The following TENM2 variants were observed in gnomAD, a reference collection of about 807,000 sequenced individuals.
TENM2 encodes teneurin transmembrane protein 2.
A neutral mutation model predicts 245.2 loss-of-function variants in TENM2; 52 were observed. The ratio of observed to expected loss-of-function variants is 0.21; its 90% CI spans 0.17 to 0.27. TENM2 has a LOEUF of 0.27. Among genes scored for constraint, TENM2 ranks in the 10% least tolerant of loss-of-function variants. The probability of loss-of-function intolerance (pLI) is 1.00; values close to 1 mark genes in which losing one functional copy is unlikely to be tolerated. For missense variants in TENM2, 3,046 were observed against 3,666.8 expected (o/e 0.83, Z 4.37); for synonymous variants, 1,363 against 1,438.9 (o/e 0.95, Z 1.19).
chr5:167,894,848 G>T (rs1341768601), intron 3 of TENM2, among the ~76,000 whole-genome samples: 1 of 151,694 alleles, frequency 6.6e-6, no homozygotes, highest in Non-Finnish European at 1.5e-5. Context: ...AAACAAAGGT[G>T]AAAATGTTTC....
rs539190530 is a variant in TENM2, at chr5:167,958,072, G to T, written c.947+5250G>T. 9.8e-5 allele frequency among the ~76,000 whole-genome samples: 15 copies of T among 152,296 alleles called. No individual in the cohort carries two copies. In the East Asian group the frequency reaches 2.9e-3, roughly 29 times the overall value. ...TGATCTGTCTAATATTGACAGTGAG[G>T]TGTTAAAGTCACCCATTATTATTGC... is the stretch of plus-strand genomic sequence containing the variant. On this transcript the variant is annotated intron_variant, in intron 4 of 28. Coordinates refer to ENST00000518659, the Ensembl canonical transcript of TENM2.
At chr5:168,196,587 G>A (rs1281110491) in intron 15 of TENM2, among the ~76,000 whole-genome samples, 4 of 152,072 alleles carry the variant, frequency 2.6e-5, no homozygotes, top group Non-Finnish European at 4.4e-5. Context: ...TCAGCCTCCC[G>A]AGTAGCTGGG....
intron 2 of TENM2, among the ~76,000 whole-genome samples, chr5:167,477,264 T>TAAAAAAAAA (rs10545252): frequency 7.1e-6 from 1 of 140,490 alleles, no homozygotes; most frequent in Admixed American, 7.2e-5. Flanking sequence ...TGAATAATAG[T>TAAAAAAAAA]AAAAAAAAAA....
chr5:167,402,336 C>T (rs192275933), intron 2 of TENM2, among the ~76,000 whole-genome samples: 1 of 152,222 alleles, frequency 6.6e-6, no homozygotes, highest in African/African-American at 2.4e-5. Context: ...TAGGTAGAAA[C>T]ATTTACCCCT....
intron 4 of TENM2, among the ~76,000 whole-genome samples, chr5:167,963,617 G>T (rs528029530): frequency 1.1e-4 from 16 of 152,194 alleles, no homozygotes; most frequent in Non-Finnish European, 1.8e-4. Flanking sequence ...TCAAAACTCT[G>T]AGAGGTAATG....
chr5:167,797,568 T>C (rs1054177357), intron 2 of TENM2, among the ~76,000 whole-genome samples: 1 of 152,234 alleles, frequency 6.6e-6, no homozygotes. Flanking sequence ...TAAGTCATTG[T>C]ATTTCTTTCG....
At chr5:167,772,026 C>A (rs1426590570) in intron 2 of TENM2, among the ~76,000 whole-genome samples, 1 of 152,166 alleles carries the variant, frequency 6.6e-6, no homozygotes, top group Admixed American at 6.5e-5. Flanking sequence ...TCTTACCTTG[C>A]AACTCCAGGC....
At chr5:167,954,934 G>A (rs1054270174) in intron 4 of TENM2, among the ~76,000 whole-genome samples, 1 of 151,980 alleles carries the variant, frequency 6.6e-6, no homozygotes, top group African/African-American at 2.4e-5. Context: ...ACATATGTGT[G>A]CATGTGTCTT....
the TENM2 span, among the ~76,000 whole-genome samples, chr5:167,180,795 A>G: frequency 6.6e-6 from 1 of 152,102 alleles, no homozygotes; most frequent in Non-Finnish European, 1.5e-5. Flanking sequence ...ATGGATCATC[A>G]TAAAGTTCTT....
chr5:167,979,875 A>G (rs1050094515), intron 4 of TENM2, among the ~76,000 whole-genome samples: 1 of 152,186 alleles, frequency 6.6e-6, no homozygotes, highest in Non-Finnish European at 1.5e-5. Flanking sequence ...AATCTTGAAA[A>G]CCAGAGTGAC....
chr5:167,100,883 A>C, the TENM2 span, among the ~76,000 whole-genome samples: 1 of 152,226 alleles, frequency 6.6e-6, no homozygotes, highest in African/African-American at 2.4e-5. Context: ...TAAATACTAC[A>C]AGGTGACACA....
intron 26 of TENM2, among the ~76,000 whole-genome samples, chr5:168,245,437 A>C (rs565565737): frequency 2.0e-5 from 3 of 152,236 alleles, no homozygotes; most frequent in Middle Eastern, 3.4e-3. Context: ...CCTAAAATTC[A>C]AGCACACAGA....
intron 2 of TENM2, among the ~76,000 whole-genome samples, chr5:167,581,931 A>T (rs1257637604): frequency 6.6e-6 from 1 of 152,160 alleles, no homozygotes; most frequent in Non-Finnish European, 1.5e-5. Flanking sequence ...GAAAAAAAAA[A>T]AATCAAGCGT....
the TENM2 span, among the ~76,000 whole-genome samples, chr5:167,178,980 C>T: frequency 1.3e-5 from 2 of 152,048 alleles, no homozygotes; most frequent in East Asian, 1.9e-4. Flanking sequence ...GAACAGAGAA[C>T]CTTATATACA....
chr5:167,855,945 G>A (rs1771057757), intron 2 of TENM2, among the ~76,000 whole-genome samples: 1 of 150,380 alleles, frequency 6.6e-6, no homozygotes, highest in South Asian at 2.1e-4. Flanking sequence ...AAAGAAAGAA[G>A]GGATGGAGGA....
At chr5:167,233,223 T>C in the TENM2 span, among the ~76,000 whole-genome samples, 449 of 152,336 alleles carry the variant, frequency 2.9e-3, 1 homozygote, top group African/African-American at 0.01. Context: ...TTCCTAAAAG[T>C]CAGTTTTCTA....
At chr5:168,253,650 C>T (rs1581779318) in intron 27 of TENM2, among the ~76,000 whole-genome samples, 2 of 152,154 alleles carry the variant, frequency 1.3e-5, no homozygotes, top group South Asian at 4.2e-4. Context: ...TGGTCTCGAT[C>T]TCCTGACCTT....
At chr5:168,043,717 A>G (rs1358931720) in intron 5 of TENM2, among the ~76,000 whole-genome samples, 1 of 152,234 alleles carries the variant, frequency 6.6e-6, no homozygotes, top group African/African-American at 2.4e-5. Flanking sequence ...TACATGCTGT[A>G]TTCTATCACT....
intron 4 of TENM2, among the ~76,000 whole-genome samples, chr5:167,969,964 A>T (rs1328268079): frequency 6.6e-6 from 1 of 152,134 alleles, no homozygotes; most frequent in Non-Finnish European, 1.5e-5. Flanking sequence ...ACATCGTGCT[A>T]TTAGGAGACC....
Sources: allele counts gnomAD v4.1 joint callset (sites outside exome capture counted in the v4.1 genomes callset), GRCh38; gene constraint gnomAD v4.1.1; transcripts MANE v1.5; gene names NCBI Gene and HGNC (gene_info 2026-07-23, HGNC 2026-07-21).